SHROOM4: variants seen among roughly 807,000 people sequenced by gnomAD.
The protein encoded by SHROOM4 is shroom family member 4.
SHROOM4 carries 17 observed loss-of-function variants against 80.3 expected under a neutral mutation model. The ratio of observed to expected loss-of-function variants is 0.21; its 90% CI spans 0.14 to 0.32. The LOEUF (loss-of-function observed/expected upper bound fraction) is 0.32, where lower values mean the gene tolerates loss of function less well. Among genes scored for constraint, SHROOM4 ranks in the 10% least tolerant of loss-of-function variants. SHROOM4 has a pLI of 1.00. For synonymous variants in SHROOM4, 400 were observed against 437.5 expected, an observed-to-expected ratio of 0.91 and a Z score of 1.07; for missense variants, 993 against 1,140.3, an observed-to-expected ratio of 0.87 and a Z score of 1.86.
intron 1 of SHROOM4, among the ~76,000 whole-genome samples, chrX:50,762,385 C>T (rs1467529431): frequency 9.0e-6 from 1 of 111,008 alleles, no homozygotes. Context: ...AATTATACTG[C>T]TATTGTTTTG....
chrX:50,703,148 A>G (rs782193820), intron 1 of SHROOM4, among the ~76,000 whole-genome samples: 1 of 111,945 alleles, frequency 8.9e-6, no homozygotes, highest in South Asian at 3.8e-4. Flanking sequence ...ATTTCAGTAA[A>G]AAATGAAAAT....
At chrX:50,701,813 A>G (rs1933525148) in intron 1 of SHROOM4, among the ~76,000 whole-genome samples, 1 of 111,495 alleles carries the variant, frequency 9.0e-6, no homozygotes, top group Admixed American at 9.5e-5. Flanking sequence ...AACATGGAGC[A>G]TATCTTTGTG....
chrX:50,749,582 A>C (rs1453222267), intron 1 of SHROOM4, among the ~76,000 whole-genome samples: 1 of 112,055 alleles, frequency 8.9e-6, no homozygotes, highest in Non-Finnish European at 1.9e-5. Context: ...GAAAGGTTAT[A>C]CAGAGAATAT....
downstream of SHROOM4, among the ~76,000 whole-genome samples, chrX:50,586,733 T>C (rs1389085442): frequency 8.9e-6 from 1 of 112,136 alleles, no homozygotes; most frequent in African/African-American, 3.2e-5. Context: ...CAGTGATAGT[T>C]TGTCATCCTT....
intron 5 of SHROOM4, among the ~76,000 whole-genome samples, chrX:50,610,352 T>TCTCTCTCACACACACA (rs782591424): frequency 0.012 from 1,124 of 91,677 alleles, 18 homozygotes; most frequent in Middle Eastern, 0.045. Context: ...TCTCTCTCTC[T>TCTCTCTCACACACACA]CACACACACA....
chrX:50,699,429 C>T (rs1219581223), intron 1 of SHROOM4, among the ~76,000 whole-genome samples: 1 of 112,196 alleles, frequency 8.9e-6, no homozygotes, highest in Non-Finnish European at 1.9e-5. Flanking sequence ...CTCTGACATT[C>T]AGTGACCTGT....
intron 1 of SHROOM4, among the ~76,000 whole-genome samples, chrX:50,708,828 AT>A (rs1933741326): frequency 8.9e-6 from 1 of 111,800 alleles, no homozygotes; most frequent in Non-Finnish European, 1.9e-5. Context: ...CATAAAAAAA[AT>A]TTAGAGGGAA....
At chrX:50,581,438 CAT>C in the SHROOM4 span, among the ~76,000 whole-genome samples, 2 of 111,521 alleles carry the variant, frequency 1.8e-5, no homozygotes, top group South Asian at 7.7e-4. Flanking sequence ...GGATGAATAA[CAT>C]ATACTGACAC....
Position 50,633,649 on chromosome X carries a change from G to A in SHROOM4, c.2424C>T (p.Asp808=). ...KTFTQRPKPI[D]QNFQPMSSSC... ...TGGAGCTCATTGGCTGGAAGTTTTG[G>A]TCTATAGGTTTTGGTCTCTGGGTAA... The change falls in exon 4 of 9, where the codon GAC becomes GAT. Residue 808 remains aspartate, a synonymous_variant. Transcript: ENST00000376020. The A allele has an allele frequency of 8.3e-7, 1 of 1,211,981 alleles. No homozygotes were observed.
chrX:50,629,473 A>C (rs1283838154), intron 4 of SHROOM4, among the ~76,000 whole-genome samples: 1 of 111,873 alleles, frequency 8.9e-6, no homozygotes, highest in Non-Finnish European at 1.9e-5. Flanking sequence ...ATAATAGTAT[A>C]ATCACGATAA....
rs1474011312 is a variant in SHROOM4 at position 50,795,131 on chromosome X, T to TG, written c.117+18770_117+18771insC. 1.9e-3 allele frequency among the ~76,000 whole-genome samples: 6 copies of TG among 3,104 alleles called. 2 individuals are homozygous for TG. The highest frequency in any genetic ancestry group is 3.0e-3 in the African/African-American group (6 of 1,985). The allele number at this position is 3,104 out of a possible 115,157, so 2.7% of individuals were successfully genotyped here. On this transcript the variant is annotated intron_variant, in intron 1 of 8. Transcript: ENST00000376020. The stretch of plus-strand genomic sequence containing the variant: ...ATATATATGATATATATATATGATA[T>TG]ATATATATATATATGATATATATAT...
At chrX:50,741,604 T>A (rs1934659201) in intron 1 of SHROOM4, among the ~76,000 whole-genome samples, 1 of 111,188 alleles carries the variant, frequency 9.0e-6, no homozygotes, top group African/African-American at 3.3e-5. Context: ...ATTAAGGGCA[T>A]TCTTAGAGTG....
Position 50,607,976 on chromosome X carries a change from G to A in SHROOM4, c.3166C>T (p.Arg1056Cys), listed in dbSNP as rs1929769106. 4.1e-6 allele frequency: 5 copies of A among 1,210,292 alleles called. No homozygotes were observed. The highest frequency in any genetic ancestry group is 4.5e-6 in the Non-Finnish European group (4 of 895,353). Residue 1056 changes from arginine to cysteine, a missense_variant, in exon 6 of 9, where the codon CGT becomes TGT. Transcript: ENST00000376020. ...CTGATGTGACTCTCTGAGAAGGCAC[G>A]GCTGCGCAGTGGGTGGGGCATGGAG... The part of the protein sequence containing the change: ...LASMPHPLRS[R>C]AFSESHISLA...
rs56363612 is a variant in SHROOM4 at position 50,705,989 on chromosome X, TACACACACACACACACAC to T, written c.118-10070_118-10053del. 2.9e-3 allele frequency among the ~76,000 whole-genome samples: 214 copies of T among 74,384 alleles called. 1 individual carries two copies. The highest frequency in any genetic ancestry group is 9.3e-3 in the African/African-American group (195 of 21,061). The allele number at this position is 74,384 out of a possible 115,157, so 64.6% of individuals were successfully genotyped here. A position where few individuals can be genotyped will look rare whatever the true frequency, so the allele number is the denominator to read the frequency against. ...TTATTTCCCACAACCTCTCATCCTCTACACACACACACACACACACACACACACACACACACACACACA... is the reference window on the plus strand; with the variant it reads ...TTATTTCCCACAACCTCTCATCCTCTACACACACACACACACACACACACA... On this transcript the variant is annotated intron_variant, in intron 1 of 8. Transcript: ENST00000376020.
At chrX:50,703,695 C>T (rs1005273061) in intron 1 of SHROOM4, among the ~76,000 whole-genome samples, 2 of 111,931 alleles carry the variant, frequency 1.8e-5, no homozygotes, top group Non-Finnish European at 3.8e-5. Flanking sequence ...CCATGTAAGA[C>T]GTGCCTTGCT....
In SHROOM4 at chrX:50,814,114, C is replaced by G. The variant is rs1392048318; in HGVS notation, c.-96G>C. 9 of 585,228 alleles carry G rather than the reference C, an allele frequency of 1.5e-5. No homozygotes were observed. In the African/African-American group the frequency reaches 1.8e-4, roughly 12 times the overall value. The allele number at this position is 585,228 out of a possible 1,213,427, so 48.2% of individuals were successfully genotyped here. A position where few individuals can be genotyped will look rare whatever the true frequency, so the allele number is the denominator to read the frequency against. On this transcript the variant is annotated 5_prime_UTR_variant, in exon 1 of 9. Transcript: ENST00000376020. ...CCGCCACCATCGCCCTCCAGCTCTA[C>G]GCCACCCCGCACCGCCCTGCTCCGC...
At chrX:50,674,705 A>G (rs782810249) in intron 2 of SHROOM4, among the ~76,000 whole-genome samples, 1 of 111,981 alleles carries the variant, frequency 8.9e-6, no homozygotes, top group Non-Finnish European at 1.9e-5. Context: ...CACCAAAAGT[A>G]TATATTAATT....
In SHROOM4 at chrX:50,593,308, A is replaced by G. The variant is rs1370927317; in HGVS notation, c.*3387T>C. 8.9e-6 allele frequency: 1 copy of G among 112,149 alleles called. No individual in the cohort carries two copies. The highest frequency in any genetic ancestry group is 2.8e-4 in the East Asian group (1 of 3,571). 9.2% of individuals were successfully genotyped at this position (112,149 alleles called of 1,213,427 possible). On this transcript the variant is annotated 3_prime_UTR_variant, in exon 9 of 9. Coordinates refer to ENST00000376020, the MANE Select transcript of SHROOM4 (RefSeq NM_020717.5). ...TTAGACTTCCATCACCTGAGTTAAA[A>G]CACATGAGATTTTTTTTTGTCCTTA...
chrX:50,791,845 C>T (rs1935859515), intron 1 of SHROOM4, among the ~76,000 whole-genome samples: 1 of 110,631 alleles, frequency 9.0e-6, no homozygotes, highest in African/African-American at 3.3e-5. Flanking sequence ...TAGTAATCAA[C>T]AGTATGTACA....
Sources: allele counts gnomAD v4.1 joint callset (sites outside exome capture counted in the v4.1 genomes callset), GRCh38; gene constraint gnomAD v4.1.1; transcripts MANE v1.5; gene names NCBI Gene and HGNC (gene_info 2026-07-23, HGNC 2026-07-21).